Variants in WDR70 observed in about 807,000 individuals in gnomAD.
WDR70 encodes WD repeat-containing protein 70.
Under a neutral mutation model 88.6 loss-of-function variants are expected in WDR70, and 53 were observed. That is an observed-to-expected ratio of 0.60 (90% CI 0.48 to 0.75). The LOEUF (loss-of-function observed/expected upper bound fraction) is 0.75, where lower values mean the gene tolerates loss of function less well. Ranked by LOEUF, WDR70 falls within the 30% of genes least tolerant of loss-of-function variation. The pLI, the probability that WDR70 is intolerant of heterozygous loss-of-function variation, is 0.00. For synonymous variants in WDR70, 280 were observed against 270.0 expected (o/e 1.04, Z -0.36); for missense variants, 610 against 823.2 (o/e 0.74, Z 3.17).
At chr5:37,606,186 A>T (rs1245019511) in intron 10 of WDR70, among the ~76,000 whole-genome samples, 2 of 152,188 alleles carry the variant, frequency 1.3e-5, no homozygotes, top group East Asian at 3.8e-4. Context: ...TTTTTCAGGC[A>T]GATGTGTTGG....
At chr5:37,539,853 C>G (rs10061422) in intron 9 of WDR70, among the ~76,000 whole-genome samples, 2 of 152,172 alleles carry the variant, frequency 1.3e-5, no homozygotes, top group Non-Finnish European at 2.9e-5. Context: ...TCTAGAATTA[C>G]GCCCCTTCAC....
intron 10 of WDR70, among the ~76,000 whole-genome samples, chr5:37,649,343 A>G (rs778241977): frequency 1.3e-5 from 2 of 151,734 alleles, no homozygotes; most frequent in Non-Finnish European, 2.9e-5. Flanking sequence ...TATGAGTATC[A>G]TTGTGCCTGT....
At chr5:37,715,403 G>A (rs545886726) in intron 13 of WDR70, among the ~76,000 whole-genome samples, 1 of 151,736 alleles carries the variant, frequency 6.6e-6, no homozygotes, top group Non-Finnish European at 1.5e-5. Context: ...CCTTGGAACT[G>A]GAGGAATGTG....
At chr5:37,407,762 T>TA (rs1375845619) in intron 5 of WDR70, among the ~76,000 whole-genome samples, 2 of 151,934 alleles carry the variant, frequency 1.3e-5, no homozygotes, top group African/African-American at 4.8e-5. Context: ...CTTCTGGCCT[T>TA]ACGAGATCCT....
Position 37,605,165 on chromosome 5 carries a change from A to G in WDR70, c.1019A>G (p.Tyr340Cys), listed in dbSNP as rs776450132. The part of the protein sequence containing the change: ...GKKVIPTTCT[Y>C]SRDGNLIAAA... Reference sequence around the variant, plus strand: ...AAAGTCATTCCCACTACGTGCACATATAGTAGAGATGGAAACCTCATAGCA... The same window carrying G: ...AAAGTCATTCCCACTACGTGCACATGTAGTAGAGATGGAAACCTCATAGCA... Residue 340 changes from tyrosine (Y) to cysteine (C), a missense_variant, in exon 10 of 18, where the codon TAT (tyrosine) becomes TGT (cysteine). Physicochemically the swap from Tyr to Cys is radical, Grantham distance 194. This residue lies in a region of WDR70 where 254 missense variants were observed against 300.7 expected (regional missense o/e 0.84). Transcript: ENST00000265107. 4 of 1,613,304 alleles carry G rather than the reference A, an allele frequency of 2.5e-6. No individual in the cohort carries two copies. Among genetic ancestry groups the G allele is most frequent in the African/African-American group, 2.7e-5 (2 of 74,892 alleles).
intron 9 of WDR70, among the ~76,000 whole-genome samples, chr5:37,602,309 A>G (rs1743908671): frequency 6.9e-6 from 1 of 144,772 alleles, no homozygotes; most frequent in Non-Finnish European, 1.5e-5. Flanking sequence ...TTAAAAGATC[A>G]GTACACTGAA....
intron 5 of WDR70, among the ~76,000 whole-genome samples, chr5:37,424,804 A>AT (rs1750070936): frequency 6.6e-6 from 1 of 152,058 alleles, no homozygotes; most frequent in African/African-American, 2.4e-5. Flanking sequence ...TTAATTTGTA[A>AT]TTTTTTCCAG....
chr5:37,662,465 A>G (rs1307837289), intron 10 of WDR70, among the ~76,000 whole-genome samples: 1 of 152,220 alleles, frequency 6.6e-6, no homozygotes, highest in Non-Finnish European at 1.5e-5. Flanking sequence ...TACCTTAATT[A>G]AAATGGGTTC....
chr5:37,598,791 A>T (rs1052442110), intron 9 of WDR70, among the ~76,000 whole-genome samples: 3 of 152,248 alleles, frequency 2.0e-5, no homozygotes, highest in African/African-American at 7.2e-5. Context: ...GTCTTGTAAA[A>T]TTAAAACTGT....
At chr5:37,488,951 A>G (rs539513902) in intron 8 of WDR70, among the ~76,000 whole-genome samples, 4 of 152,152 alleles carry the variant, frequency 2.6e-5, no homozygotes, top group South Asian at 2.1e-4. Context: ...TCATAGAGGA[A>G]TATTTTTTCC....
At chr5:37,707,921 GAAA>G (rs1187436953) in intron 13 of WDR70, among the ~76,000 whole-genome samples, 45 of 15,104 alleles carry the variant, frequency 3.0e-3, no homozygotes, top group Admixed American at 4.8e-3. Flanking sequence ...CTCAAAAAAA[GAAA>G]AAAAAAAAAA....
At chr5:37,426,814 T>TG (rs1750139315) in intron 5 of WDR70, among the ~76,000 whole-genome samples, 1 of 147,356 alleles carries the variant, frequency 6.8e-6, no homozygotes, top group Non-Finnish European at 1.5e-5. Context: ...TTTTTTGAGA[T>TG]GGGGTCTCTC....
intron 10 of WDR70, among the ~76,000 whole-genome samples, chr5:37,649,999 A>G (rs1366286930): frequency 1.9e-5 from 1 of 52,984 alleles, no homozygotes; most frequent in African/African-American, 3.7e-5. Context: ...TGCCTCCCAA[A>G]GTGCTGGGAT....
chr5:37,539,959 G>A (rs1477239124), intron 9 of WDR70, among the ~76,000 whole-genome samples: 3 of 152,162 alleles, frequency 2.0e-5, no homozygotes, highest in African/African-American at 4.8e-5. Context: ...GGCATTCTTG[G>A]AGATTTCAGT....
In WDR70 at chr5:37,667,770, C is replaced by T. The variant is rs1745901821; in HGVS notation, c.1093-29885C>T. The stretch of plus-strand genomic sequence containing the variant: ...CCCTTTCTAGAAAAAGTTTGCTAGA[C>T]CTTGCTCTAGGTATATGTTTCTCCA... On this transcript the variant is annotated intron_variant, in intron 10 of 17. Transcript: ENST00000265107. Among the ~76,000 whole-genome samples, 6 of 143,240 alleles carry T rather than the reference C, an allele frequency of 4.2e-5. No homozygotes were observed. In the South Asian group the frequency reaches 1.3e-3, roughly 32 times the overall value. The allele number at this position is 143,240 out of a possible 152,430, so 94.0% of individuals were successfully genotyped here.
At chr5:37,397,269 A>C (rs1212174136) in intron 5 of WDR70, among the ~76,000 whole-genome samples, 5 of 152,130 alleles carry the variant, frequency 3.3e-5, no homozygotes, top group Non-Finnish European at 7.4e-5. Context: ...GGCAGAAAGC[A>C]ATGTGTTAAA....
chr5:37,751,033 C>T (rs369374299), intron 17 of WDR70, among the ~76,000 whole-genome samples: 6 of 152,208 alleles, frequency 3.9e-5, no homozygotes, highest in Middle Eastern at 3.2e-3. Context: ...TGGTGTCCTA[C>T]GAAGCATTTT....
At chr5:37,601,122 T>C (rs923223398) in intron 9 of WDR70, among the ~76,000 whole-genome samples, 2 of 152,234 alleles carry the variant, frequency 1.3e-5, no homozygotes, top group Admixed American at 6.5e-5. Flanking sequence ...GAAAAAGCTA[T>C]CAACTCTGCA....
intron 5 of WDR70, among the ~76,000 whole-genome samples, chr5:37,415,377 A>ACCTC (rs1749675332): frequency 2.4e-5 from 3 of 127,400 alleles, no homozygotes; most frequent in African/African-American, 5.3e-5. Context: ...GGCACCCCTC[A>ACCTC]CCTCCCGGAC....
Sources: gnomAD v4.1 joint callset for allele counts (sites outside exome capture counted in the v4.1 genomes callset) on GRCh38, gnomAD v4.1.1 for gene constraint, gnomAD v4.1.1 regional missense constraint, MANE v1.5 for transcripts, NCBI Gene and HGNC (gene_info 2026-07-23, HGNC 2026-07-21) for gene names.